EXTL3: variants seen among roughly 807,000 people sequenced by gnomAD.
EXTL3 encodes exostosin like glycosyltransferase 3.
A neutral mutation model predicts 69.3 loss-of-function variants in EXTL3; 27 were observed. The observed-to-expected ratio is 0.39, with a 90% CI of 0.29 to 0.54. EXTL3 has a LOEUF of 0.54. Among genes scored for constraint, EXTL3 ranks in the 20% least tolerant of loss-of-function variants. The pLI is 0.69. For missense variants in EXTL3, 1,003 were observed against 1,231.8 expected (o/e 0.81, Z 2.78); for synonymous variants, 511 against 499.4 (o/e 1.02, Z -0.31).
intron 1 of EXTL3, among the ~76,000 whole-genome samples, chr8:28,702,140 C>T (rs1585260688): frequency 6.6e-6 from 1 of 152,180 alleles, no homozygotes; most frequent in Non-Finnish European, 1.5e-5. Context: ...CACCCCTTCC[C>T]GAGCACACCT....
At chr8:28,629,436 A>G (rs748719262) in intron 1 of EXTL3, among the ~76,000 whole-genome samples, 2 of 151,946 alleles carry the variant, frequency 1.3e-5, no homozygotes, top group African/African-American at 2.4e-5. Context: ...TCATTATCAA[A>G]TATCTGAGGG....
At chr8:28,660,973 G>T (rs1341638987) in intron 1 of EXTL3, among the ~76,000 whole-genome samples, 1 of 147,736 alleles carries the variant, frequency 6.8e-6, no homozygotes, top group East Asian at 2.0e-4. Context: ...GAGTGCAGTG[G>T]CGCGATCTCT....
At chr8:28,628,910 A>G (rs1806533368) in intron 1 of EXTL3, among the ~76,000 whole-genome samples, 1 of 152,166 alleles carries the variant, frequency 6.6e-6, no homozygotes, top group South Asian at 2.1e-4. Flanking sequence ...AAGACTAGGA[A>G]ATGCAACCAG....
chr8:28,649,928 G>T (rs962680181), intron 1 of EXTL3, among the ~76,000 whole-genome samples: 2 of 152,008 alleles, frequency 1.3e-5, no homozygotes, highest in Non-Finnish European at 2.9e-5. Context: ...CGGGCACGGT[G>T]GGTCACACCT....
chr8:28,642,125 G>A (rs1001985202), intron 1 of EXTL3, among the ~76,000 whole-genome samples: 22 of 152,090 alleles, frequency 1.4e-4, no homozygotes, highest in Non-Finnish European at 2.4e-4. Context: ...GTGAGCCACC[G>A]TGCCCGGCCT....
At chr8:28,743,421 TCAGAA>T in intron 6 of EXTL3, among the ~76,000 whole-genome samples, 1 of 152,316 alleles carries the variant, frequency 6.6e-6, no homozygotes, top group East Asian at 1.9e-4. Flanking sequence ...TGGATAGAAA[TCAGAA>T]GGTTTGGAAC....
In EXTL3 at chr8:28,623,619, C is replaced by G. The variant is rs889843215; in HGVS notation, c.-53+809C>G. Among the ~76,000 whole-genome samples, 3 of 152,174 alleles carry G rather than the reference C, an allele frequency of 2.0e-5. No individual in the cohort carries two copies. Among genetic ancestry groups the G allele is most frequent in the Non-Finnish European group, 2.9e-5 (2 of 68,030 alleles). On this transcript the variant is annotated intron_variant, in intron 1 of 6. Coordinates refer to the EXTL3 transcript ENST00000523149. This position sits in a 1 kb window ranked among gnomAD's most constrained non-coding sequence, Gnocchi z 4.2. The stretch of plus-strand genomic sequence containing the variant: ...CCCCATCTTTGCCTACTTTTCAAGG[C>G]TTGGCAAAGCACGTGTGTCTTTTGA...
chr8:28,632,474 A>C (rs951645905), intron 1 of EXTL3, among the ~76,000 whole-genome samples: 5 of 152,084 alleles, frequency 3.3e-5, no homozygotes, highest in African/African-American at 1.2e-4. Context: ...AATAATAGTA[A>C]TAATAATGAG....
At position 28,716,660 on chromosome 8, in the gene EXTL3, A is replaced by G; in HGVS notation, c.601A>G (p.Ser201Gly). Reference protein sequence around the residue: ...TSGFPVYVYDSDQFVFGSYLD... With the variant: ...TSGFPVYVYDGDQFVFGSYLD... The stretch of plus-strand genomic sequence containing the variant: ...TGGCTTCCCGGTCTACGTCTATGAC[A>G]GTGACCAGTTTGTCTTTGGCAGCTA... The change falls in exon 3 of 7, where the codon AGT becomes GGT. Residue 201 changes from serine (S) to glycine (G), a missense_variant. Transcript: ENST00000220562. The surrounding 1 kb of genome is among the most constrained non-coding windows in gnomAD (Gnocchi z 7.1). 2.5e-6 allele frequency: 4 copies of G among 1,614,198 alleles called. No individual in the cohort carries two copies. The highest frequency in any genetic ancestry group is 2.7e-5 in the African/African-American group (2 of 75,054).
chr8:28,712,655 AAT>A (rs572882326), intron 1 of EXTL3, among the ~76,000 whole-genome samples: 30 of 152,314 alleles, frequency 2.0e-4, no homozygotes, highest in African/African-American at 7.2e-4. Flanking sequence ...GAAATAATTT[AAT>A]TAGCTGTTTA....
intron 5 of EXTL3, among the ~76,000 whole-genome samples, chr8:28,739,089 G>C (rs1338916133): frequency 6.6e-6 from 1 of 152,190 alleles, no homozygotes; most frequent in Non-Finnish European, 1.5e-5. Flanking sequence ...TCTGCAGGCT[G>C]GTAATTTCCT....
chr8:28,619,021 G>T (rs1159675155), upstream of EXTL3, among the ~76,000 whole-genome samples: 5 of 149,022 alleles, frequency 3.4e-5, no homozygotes, highest in Non-Finnish European at 7.4e-5. Flanking sequence ...GAACCTGGGA[G>T]GCGGAGGTTG....
intron 6 of EXTL3, among the ~76,000 whole-genome samples, chr8:28,745,326 G>A (rs1015681599): frequency 6.6e-6 from 1 of 152,222 alleles, no homozygotes; most frequent in African/African-American, 2.4e-5. Context: ...ACTCCTGATT[G>A]TCCCAGGGTT....
intron 1 of EXTL3, among the ~76,000 whole-genome samples, chr8:28,659,564 G>A (rs1181991589): frequency 6.6e-6 from 1 of 152,118 alleles, no homozygotes; most frequent in Admixed American, 6.6e-5. Context: ...CTTGACCGGG[G>A]CCTACAGCAG....
rs147041344 is a variant in EXTL3, at chr8:28,672,008, T to C, written c.-52-41449T>C. Among the ~76,000 whole-genome samples the C allele has an allele frequency of 4.7e-3, 722 of 152,332 alleles. 8 individuals are homozygous for C. The highest frequency in any genetic ancestry group is 0.017 in the African/African-American group (702 of 41,578). ...AAACAAAAACTTATGTTCCTCCGCTTTCCCAACATTTAACTTTTACATACA... is the reference window on the plus strand; with the variant it reads ...AAACAAAAACTTATGTTCCTCCGCTCTCCCAACATTTAACTTTTACATACA... On this transcript the variant is annotated intron_variant, in intron 1 of 6. Coordinates refer to the EXTL3 transcript ENST00000523149.
intron 1 of EXTL3, among the ~76,000 whole-genome samples, chr8:28,675,750 G>C (rs543813314): frequency 6.6e-6 from 1 of 152,200 alleles, no homozygotes; most frequent in East Asian, 1.9e-4. Flanking sequence ...GGCTGGGCGC[G>C]GCAGCTCATG....
intron 1 of EXTL3, among the ~76,000 whole-genome samples, chr8:28,635,467 C>T (rs570426740): frequency 5.4e-5 from 8 of 149,034 alleles, no homozygotes; most frequent in African/African-American, 9.9e-5. Flanking sequence ...TCTGGGAGGC[C>T]GAGGCGGGCG....
At chr8:28,738,362 T>C (rs1056036457) in intron 5 of EXTL3, among the ~76,000 whole-genome samples, 32 of 152,230 alleles carry the variant, frequency 2.1e-4, no homozygotes, top group Non-Finnish European at 8.8e-5. Flanking sequence ...CAAAAACTTG[T>C]AACAAAGGGT....
intron 1 of EXTL3, among the ~76,000 whole-genome samples, chr8:28,703,743 G>A (rs547721168): frequency 1.4e-4 from 22 of 152,294 alleles, no homozygotes; most frequent in East Asian, 3.9e-4. Context: ...GTGAGGCGAG[G>A]AATATGAAAC....
Sources: allele counts gnomAD v4.1 joint callset (sites outside exome capture counted in the v4.1 genomes callset), GRCh38; gene constraint gnomAD v4.1.1; non-coding constraint Gnocchi (gnomAD v3.1); transcripts MANE v1.5; gene names NCBI Gene and HGNC (gene_info 2026-07-23, HGNC 2026-07-21).